Variants in CCDC141 observed in about 807,000 individuals in gnomAD.
The protein encoded by CCDC141 is coiled-coil domain containing 141.
Under a neutral mutation model 181.0 loss-of-function variants are expected in CCDC141, and 168 were observed. The observed-to-expected ratio is 0.93, with a 90% CI of 0.82 to 1.05. The LOEUF (loss-of-function observed/expected upper bound fraction) is 1.05, where lower values mean the gene tolerates loss of function less well. Among genes scored for constraint, CCDC141 ranks in the 50% least tolerant of loss-of-function variants. The pLI is 0.00. For missense variants in CCDC141, 1,902 were observed against 1,788.5 expected (o/e 1.06, Z -1.14); for synonymous variants, 666 against 642.3 (o/e 1.04, Z -0.56).
At chr2:178,953,309 C>T (rs1411444112) in intron 5 of CCDC141, among the ~76,000 whole-genome samples, 3 of 151,928 alleles carry the variant, frequency 2.0e-5, no homozygotes, top group African/African-American at 7.3e-5. Flanking sequence ...TGGTGGCAGG[C>T]GCCTGTAGTC....
intron 1 of CCDC141, among the ~76,000 whole-genome samples, chr2:179,048,636 T>G (rs1421140829): frequency 2.0e-5 from 3 of 152,186 alleles, no homozygotes; most frequent in African/African-American, 7.2e-5. Flanking sequence ...GTATCATTAA[T>G]CCCGTGCAAA....
the CCDC141 span, among the ~76,000 whole-genome samples, chr2:178,822,006 C>T: frequency 6.6e-6 from 1 of 152,060 alleles, no homozygotes; most frequent in African/African-American, 2.4e-5. Flanking sequence ...TGGAACCAGC[C>T]CAAATGTCCA....
intron 6 of CCDC141, among the ~76,000 whole-genome samples, chr2:178,937,967 C>G (rs1455050387): frequency 2.0e-5 from 3 of 152,034 alleles, no homozygotes; most frequent in African/African-American, 7.2e-5. Context: ...CTTTATTACT[C>G]TAGCTAGCAG....
At position 178,978,479 on chromosome 2, in the gene CCDC141, C is replaced by A; in HGVS notation, c.417+5G>T. On this transcript the variant is annotated splice_donor_5th_base_variant and intron_variant, in intron 3 of 23. Coordinates refer to ENST00000443758, the MANE Select transcript of CCDC141 (RefSeq NM_173648.4). ...GGGAAGGGAGAAGTTTTTTAAAGTA[C>A]AAACCTCTAAGGCATTTTCAAAAAA... 1 of 1,454,038 alleles carries A rather than the reference C, an allele frequency of 6.9e-7. No individual in the cohort carries two copies. Among genetic ancestry groups the A allele is most frequent in the Non-Finnish European group, 9.1e-7 (1 of 1,098,336 alleles). 90.1% of individuals were successfully genotyped at this position (1,454,038 alleles called of 1,614,324 possible). A position where few individuals can be genotyped will look rare whatever the true frequency, so the allele number is the denominator to read the frequency against.
intron 2 of CCDC141, among the ~76,000 whole-genome samples, chr2:179,000,973 A>T (rs1229337405): frequency 6.6e-6 from 1 of 152,148 alleles, no homozygotes; most frequent in African/African-American, 2.4e-5. Context: ...TAGAAAGTAC[A>T]CAACAGATGC....
chr2:178,892,585 C>T (rs902282646), intron 8 of CCDC141, among the ~76,000 whole-genome samples: 1 of 152,098 alleles, frequency 6.6e-6, no homozygotes, highest in Admixed American at 6.6e-5. Flanking sequence ...AAACTTTATA[C>T]GATGATACCG....
At position 178,853,522 on chromosome 2, in the gene CCDC141, A is replaced by G; in HGVS notation, c.3163T>C (p.Phe1055Leu). The G allele has an allele frequency of 1.2e-6, 2 of 1,614,106 alleles. No individual in the cohort carries two copies. Among genetic ancestry groups the G allele is most frequent in the South Asian group, 1.1e-5 (1 of 91,082 alleles). ...KEAVKILHQQ[F>L]NKFIAPSVPQ... ...ACTGAGGGTGCAATAAACTTATTAA[A>G]CTGCTGGTGGAGAATTTTCACAGCT... The change falls in exon 20 of 24, where the codon TTT becomes CTT. Residue 1055 changes from phenylalanine to leucine, a missense_variant. Coordinates refer to ENST00000443758, the MANE Select transcript of CCDC141 (RefSeq NM_173648.4).
In CCDC141 at chr2:179,009,883, C is replaced by A. The variant is rs543415426; in HGVS notation, c.226-31208G>T. 2.6e-5 allele frequency among the ~76,000 whole-genome samples: 4 copies of A among 151,972 alleles called. No homozygotes were observed. The East Asian group carries it at 7.7e-4, about 29-fold the overall frequency. On this transcript the variant is annotated intron_variant, in intron 2 of 23. Transcript: ENST00000443758. Reference sequence around the variant, plus strand: ...GATCAGAGAAAGGTGAAGCCCAATGCAAGGAAATCCAAAACATGATACAAG... The same window carrying A: ...GATCAGAGAAAGGTGAAGCCCAATGAAAGGAAATCCAAAACATGATACAAG...
intron 6 of CCDC141, among the ~76,000 whole-genome samples, chr2:178,919,839 A>C (rs1195046820): frequency 2.6e-5 from 4 of 152,178 alleles, no homozygotes; most frequent in Non-Finnish European, 4.4e-5. Context: ...CTCCTCATAA[A>C]ATGAATAGCT....
chr2:178,988,865 T>C (rs745357765), intron 2 of CCDC141, among the ~76,000 whole-genome samples: 56 of 152,140 alleles, frequency 3.7e-4, no homozygotes, highest in Non-Finnish European at 6.8e-4. Context: ...CTATGGCCAA[T>C]TGATTTTCAA....
At chr2:179,000,134 A>C (rs2041925276) in intron 2 of CCDC141, among the ~76,000 whole-genome samples, 1 of 151,746 alleles carries the variant, frequency 6.6e-6, no homozygotes, top group South Asian at 2.1e-4. Context: ...GGATCAACAA[A>C]CTATGGCTTA....
At chr2:178,903,926 C>T (rs1053137682) in intron 8 of CCDC141, among the ~76,000 whole-genome samples, 19 of 152,046 alleles carry the variant, frequency 1.2e-4, no homozygotes, top group Admixed American at 3.3e-4. Flanking sequence ...GAAACCTCAC[C>T]GCTTAATTCA....
intron 2 of CCDC141, among the ~76,000 whole-genome samples, chr2:179,041,182 C>A (rs561357882): frequency 1.3e-5 from 2 of 152,148 alleles, no homozygotes; most frequent in Non-Finnish European, 2.9e-5. Context: ...CGCCATTTTC[C>A]TGCCTCCACG....
intron 20 of CCDC141, among the ~76,000 whole-genome samples, chr2:178,852,490 A>G (rs6711319): frequency 0.37 from 57,014 of 152,088 alleles, 11,225 homozygotes; most frequent in African/African-American, 0.48. Context: ...CTTAGTTTCC[A>G]TTAATTTTTC....
Position 178,832,478 on chromosome 2 carries a change from A to AC in CCDC141, c.*1694_*1695insG, listed in dbSNP as rs1684291290. The AC allele has an allele frequency of 7.4e-6, 1 of 134,320 alleles. No homozygotes were observed. Among genetic ancestry groups the AC allele is most frequent in the Middle Eastern group, 4.3e-3 (1 of 230 alleles). 8.3% of individuals were successfully genotyped at this position (134,320 alleles called of 1,614,324 possible). A position where few individuals can be genotyped will look rare whatever the true frequency, so the allele number is the denominator to read the frequency against. ...AAGACTCTTTCTCAAAAAAAAAAAA[A>AC]AAAAACAAAAAAAACAAAAAAAAGA... On this transcript the variant is annotated 3_prime_UTR_variant, in exon 24 of 24. Coordinates refer to ENST00000443758, the MANE Select transcript of CCDC141 (RefSeq NM_173648.4).
At chr2:178,945,352 T>A (rs978237613) in intron 5 of CCDC141, among the ~76,000 whole-genome samples, 4 of 152,200 alleles carry the variant, frequency 2.6e-5, no homozygotes, top group African/African-American at 9.6e-5. Flanking sequence ...TATGATCACA[T>A]CATAATGACT....
intron 4 of CCDC141, among the ~76,000 whole-genome samples, chr2:178,971,019 C>A (rs1053189318): frequency 6.6e-6 from 1 of 152,052 alleles, no homozygotes; most frequent in Non-Finnish European, 1.5e-5. Flanking sequence ...ACCAGCCTGG[C>A]CAATATGGTG....
chr2:178,826,585 T>C (rs1428833150), downstream of CCDC141, among the ~76,000 whole-genome samples: 1 of 152,136 alleles, frequency 6.6e-6, no homozygotes, highest in Non-Finnish European at 1.5e-5. Flanking sequence ...AGTTGTTAAT[T>C]ATTGGTTCAA....
rs558039674 is a variant in CCDC141, at chr2:178,869,125, T to G, written c.2386A>C (p.Lys796Gln). Residue 796 changes from lysine (K) to glutamine (Q), a missense_variant, in exon 15 of 24, where the codon AAG (lysine) becomes CAG (glutamine). By Grantham distance (53) the Lys-to-Gln change is moderately conservative (BLOSUM62 1). Transcript: ENST00000443758. ...LYKVVQFHQV[K>Q]EELGRLIKSR... ...TCCCTTCTAAGCCTTACCTCTTCCT[T>G]GACTTGATGGAACTGGACCACCTTG... 1 of 1,579,188 alleles carries G rather than the reference T, an allele frequency of 6.3e-7. No homozygotes were observed. Among genetic ancestry groups the G allele is most frequent in the African/African-American group, 1.4e-5 (1 of 72,966 alleles).
Sources: gnomAD v4.1 joint callset for allele counts (sites outside exome capture counted in the v4.1 genomes callset) on GRCh38, gnomAD v4.1.1 for gene constraint, MANE v1.5 for transcripts, NCBI Gene and HGNC (gene_info 2026-07-23, HGNC 2026-07-21) for gene names.